PNKP: variants seen among roughly 807,000 people sequenced by gnomAD.
The protein encoded by PNKP is polynucleotide kinase 3'-phosphatase.
In PNKP, 82 loss-of-function variants were observed where a neutral mutation model predicts 66.2. That is an observed-to-expected ratio of 1.24 (90% CI 1.04 to 1.49). The LOEUF (loss-of-function observed/expected upper bound fraction) is 1.49, where lower values mean the gene tolerates loss of function less well. PNKP is among the 40% of genes most tolerant of loss of function. The pLI is 0.00. For missense variants in PNKP, 907 were observed against 706.8 expected (o/e 1.28, Z -3.21); for synonymous variants, 412 against 298.9 (o/e 1.38, Z -3.90).
At chr19:49,862,131 TG>T in intron 12 of PNKP, 26 bp from the exon 13 acceptor site, 1 of 1,613,850 alleles carries the variant, frequency 6.2e-7, no homozygotes, top group Admixed American at 1.7e-5. Flanking sequence ...TGTCGGTGGG[TG>T]GCCTAGGACC....
At chr19:49,863,020 C>T (rs1050193458) in intron 8 of PNKP, among the ~76,000 whole-genome samples, 1 of 152,144 alleles carries the variant, frequency 6.6e-6, no homozygotes, top group Admixed American at 6.5e-5. Context: ...CAGCCTCCGG[C>T]GTGCCGGCGC....
rs900554852 is a variant in PNKP, at chr19:49,861,219, G to A, written c.*29C>T. The A allele has an allele frequency of 9.6e-6, 14 of 1,452,998 alleles. No individual in the cohort carries two copies. The highest frequency in any genetic ancestry group is 8.4e-5 in the African/African-American group (6 of 71,728). 90.0% of individuals were successfully genotyped at this position (1,452,998 alleles called of 1,614,324 possible). A position where few individuals can be genotyped will look rare whatever the true frequency, so the allele number is the denominator to read the frequency against. On this transcript the variant is annotated 3_prime_UTR_variant, in exon 17 of 17. Transcript: ENST00000322344. ...CCGGCCAAGCTCAAGGAGAAACAGC[G>A]TTTATTGTGGAGGGGAGCTGGGCGG...
chr19:49,863,796 C>G (rs372323551), intron 7 of PNKP, 36 bp from the exon 8 acceptor site: 12 of 1,530,678 alleles, frequency 7.8e-6, no homozygotes, highest in Admixed American at 2.0e-5. Flanking sequence ...TTTAGCTCCC[C>G]CTCAAGCACC....
intron 8 of PNKP, 115 bp from the exon 9 acceptor site, chr19:49,862,853 C>G (rs995491971): frequency 1.8e-6 from 2 of 1,099,848 alleles, no homozygotes; most frequent in Non-Finnish European, 2.7e-6. Flanking sequence ...ATCCCCCGAC[C>G]TTTCATGTCC....
chr19:49,861,425 G>A (rs754871104), intron 16 of PNKP, 24 bp downstream of exon 16: 4 of 1,613,994 alleles, frequency 2.5e-6, no homozygotes, highest in East Asian at 2.2e-5. Context: ...CAGTGCCCCT[G>A]CCCCCTGCTA....
intron 4 of PNKP, among the ~76,000 whole-genome samples, chr19:49,864,724 T>TA (rs1236091330): frequency 3.9e-5 from 6 of 152,098 alleles, no homozygotes; most frequent in Non-Finnish European, 5.9e-5. Flanking sequence ...ACCGTGAAAA[T>TA]AAAAGCAGGA....
intron 4 of PNKP, 97 bp from the exon 5 acceptor site, chr19:49,864,500 T>A (rs1412512811): frequency 1.1e-6 from 1 of 894,076 alleles, no homozygotes; most frequent in Admixed American, 1.7e-5. Flanking sequence ...GGCAGGGTGT[T>A]ATCACTGCCA....
At position 49,864,269 on chromosome 19, in the gene PNKP, G is replaced by A. The variant is rs202138901; in HGVS notation, c.579-33C>T. ...AGGTATGAAGCGGCAGGGGTGACCC[G>A]GGGCCAGAGGTGGACTCCAGGCCTC... is the stretch of plus-strand genomic sequence containing the variant. On this transcript the variant is annotated intron_variant, in intron 5 of 16. Coordinates refer to ENST00000322344, the MANE Select transcript of PNKP (RefSeq NM_007254.4). 6.4e-4 allele frequency: 1,039 copies of A among 1,613,076 alleles called. 5 individuals carry two copies. The highest frequency in any genetic ancestry group is 3.3e-3 in the Middle Eastern group (20 of 6,062).
rs916890636 is a variant in PNKP, at chr19:49,862,922, C to A, written c.817-184G>T. On this transcript the variant is annotated intron_variant, in intron 8 of 16. Coordinates refer to ENST00000322344, the MANE Select transcript of PNKP (RefSeq NM_007254.4). ...CCCCCTCCCCCCTCCGTGGTCTCTC[C>A]ACACAGCCCCCTCCCTCCAGGTCTC... 61 of 701,706 alleles carry A rather than the reference C, an allele frequency of 8.7e-5. No individual in the cohort carries two copies. In the African/African-American group the frequency reaches 9.4e-4, roughly 11 times the overall value. 43.5% of individuals were successfully genotyped at this position (701,706 alleles called of 1,614,324 possible).
Position 49,861,872 on chromosome 19 carries a change from C to T in PNKP, c.1198G>A (p.Gly400Ser). 6.3e-7 allele frequency: 1 copy of T among 1,589,404 alleles called. No individual in the cohort carries two copies. Among genetic ancestry groups the T allele is most frequent in the Non-Finnish European group, 8.5e-7 (1 of 1,170,892 alleles). ...GTGGTCACACAGCGCTGCCAGGAGCCTAGCGTGTCCTGGGGACACGAGAGG... is the reference window on the plus strand; with the variant it reads ...GTGGTCACACAGCGCTGCCAGGAGCTTAGCGTGTCCTGGGGACACGAGAGG... ...GYVHVNRDTL[G>S]SWQRCVTTCE... The change falls in exon 14 of 17, where the codon GGC becomes AGC. Residue 400 changes from glycine to serine, a missense_variant. Physicochemically the swap from Gly to Ser is moderately conservative, Grantham distance 56. Coordinates refer to ENST00000322344, the MANE Select transcript of PNKP (RefSeq NM_007254.4).
In PNKP at chr19:49,861,326, A is replaced by C. The variant is rs987978646; in HGVS notation, c.1488T>G (p.Ser496=). The C allele has an allele frequency of 6.2e-7, 1 of 1,614,122 alleles. No homozygotes were observed. Among genetic ancestry groups the C allele is most frequent in the Non-Finnish European group, 8.5e-7 (1 of 1,179,982 alleles). The change falls in exon 17 of 17, where the codon TCT becomes TCG. Residue 496 remains serine (S), a synonymous_variant. Coordinates refer to ENST00000322344, the MANE Select transcript of PNKP (RefSeq NM_007254.4). ...FEAPTLAEGF[S]AILEIPFRLW... ...GCCGGAACGGGATCTCCAGGATGGC[A>C]GAGAAGCCTTCAGCCAGCGTTGGGG...
chr19:49,863,025 C>A (rs546909326), intron 8 of PNKP, among the ~76,000 whole-genome samples: 6 of 152,272 alleles, frequency 3.9e-5, no homozygotes, highest in Admixed American at 1.3e-4. Context: ...TCCGGCGTGC[C>A]GGCGCCTCCC....
chr19:49,866,571 G>C (rs578113170), intron 2 of PNKP, 126 bp from the exon 3 acceptor site: 12 of 896,394 alleles, frequency 1.3e-5, no homozygotes, highest in South Asian at 1.2e-4. Flanking sequence ...TTCTACATGG[G>C]ATTGGCTCCT....
chr19:49,864,279 G>A (rs778015264), intron 5 of PNKP, 43 bp from the exon 6 acceptor site: 38 of 1,612,386 alleles, frequency 2.4e-5, no homozygotes, highest in Non-Finnish European at 3.2e-5. Flanking sequence ...GGGGCCAGAG[G>A]TGGACTCCAG....
rs1485417407 is a variant in PNKP, at chr19:49,861,215, CAG to C, written c.*31_*32del. The C allele has an allele frequency of 4.2e-6, 6 of 1,425,576 alleles. No individual in the cohort carries two copies. Among genetic ancestry groups the C allele is most frequent in the South Asian group, 1.1e-5 (1 of 87,332 alleles). 88.3% of individuals were successfully genotyped at this position (1,425,576 alleles called of 1,614,324 possible). On this transcript the variant is annotated 3_prime_UTR_variant, in exon 17 of 17. Coordinates refer to ENST00000322344, the MANE Select transcript of PNKP (RefSeq NM_007254.4). ...AATGCCGGCCAAGCTCAAGGAGAAACAGCGTTTATTGTGGAGGGGAGCTGGGC... is the reference window on the plus strand; with the variant it reads ...AATGCCGGCCAAGCTCAAGGAGAAACCGTTTATTGTGGAGGGGAGCTGGGC...
intron 11 of PNKP, 38 bp downstream of exon 11, chr19:49,862,333 C>CGGCCCGG: frequency 6.6e-7 from 1 of 1,510,486 alleles, no homozygotes; most frequent in African/African-American, 1.4e-5. Context: ...CCCGGGAGCC[C>CGGCCCGG]TCCCATCCCC....
intron 13 of PNKP, 66 bp from the exon 14 acceptor site, chr19:49,861,947 C>T (rs113879990): frequency 8.9e-6 from 14 of 1,580,626 alleles, no homozygotes; most frequent in Middle Eastern, 1.7e-4. Flanking sequence ...CGAGCGGGGA[C>T]GGGGAGGCAA....
In PNKP at chr19:49,864,336, G is replaced by A. The variant is rs570975244; in HGVS notation, c.566C>T (p.Pro189Leu). 6.2e-7 allele frequency: 1 copy of A among 1,613,726 alleles called. No individual in the cohort carries two copies. Among genetic ancestry groups the A allele is most frequent in the Admixed American group, 1.7e-5 (1 of 59,994 alleles). Residue 189 changes from proline to leucine, a missense_variant, in exon 5 of 17, where the codon CCC (proline) becomes CTC (leucine). Coordinates refer to ENST00000322344, the MANE Select transcript of PNKP (RefSeq NM_007254.4). ...TGCCTCTTATCACCTCCAGTCACTGGGGCCAGTGGGAAAGACCTTCCCAGA... is the reference window on the plus strand; with the variant it reads ...TGCCTCTTATCACCTCCAGTCACTGAGGCCAGTGGGAAAGACCTTCCCAGA... ...TRSGKVFPTG[P>L]SDWRILYPEI...
intron 9 of PNKP, 31 bp downstream of exon 9, chr19:49,862,659 A>G (rs2074786309): frequency 6.2e-7 from 1 of 1,613,856 alleles, no homozygotes; most frequent in African/African-American, 1.3e-5. Flanking sequence ...GAGGCGTCCC[A>G]GCCCACCCTC....
Sources: allele counts gnomAD v4.1 joint callset (sites outside exome capture counted in the v4.1 genomes callset), GRCh38; gene constraint gnomAD v4.1.1; transcripts MANE v1.5; gene names NCBI Gene and HGNC (gene_info 2026-07-23, HGNC 2026-07-21).